SOX6: variants seen among roughly 807,000 people sequenced by gnomAD.
SOX6 encodes the protein SRY-box transcription factor 6.
Under a neutral mutation model 97.8 loss-of-function variants are expected in SOX6, and 11 were observed. The ratio of observed to expected loss-of-function variants is 0.11; its 90% CI spans 0.07 to 0.19. The LOEUF is 0.19. SOX6 is among the 10% of genes least tolerant of loss of function. SOX6 has a pLI of 1.00. For missense variants in SOX6, 810 were observed against 1,039.5 expected (o/e 0.78, Z 3.04); for synonymous variants, 360 against 371.4 (o/e 0.97, Z 0.35).
intron 4 of SOX6, among the ~76,000 whole-genome samples, chr11:16,600,672 T>A (rs1055297901): frequency 4.6e-5 from 7 of 152,204 alleles, no homozygotes; most frequent in African/African-American, 7.2e-5. Context: ...TAATGCAAAT[T>A]TTGAACTATT....
chr11:16,087,647 C>A (rs947531844), intron 9 of SOX6, among the ~76,000 whole-genome samples: 1 of 151,972 alleles, frequency 6.6e-6, no homozygotes, highest in African/African-American at 2.4e-5. Flanking sequence ...GATAAACAGT[C>A]TAATAGGTCT....
intron 4 of SOX6, among the ~76,000 whole-genome samples, chr11:16,581,409 A>G (rs1848031042): frequency 6.6e-6 from 1 of 152,114 alleles, no homozygotes; most frequent in African/African-American, 2.4e-5. Context: ...ATGAGAACAC[A>G]TGGACACAGG....
At chr11:16,012,429 A>G (rs889806568) in intron 13 of SOX6, among the ~76,000 whole-genome samples, 3 of 151,968 alleles carry the variant, frequency 2.0e-5, no homozygotes, top group African/African-American at 7.2e-5. Flanking sequence ...CCAAAAGCAC[A>G]TGAGGTCTCA....
chr11:16,636,844 G>T (rs1051600854), intron 3 of SOX6, among the ~76,000 whole-genome samples: 1 of 152,152 alleles, frequency 6.6e-6, no homozygotes, highest in Non-Finnish European at 1.5e-5. Flanking sequence ...GCCATGTGAA[G>T]AAGGACATGT....
At position 16,300,382 on chromosome 11, in the gene SOX6, T is replaced by C. The variant is rs972935319; in HGVS notation, c.445+18064A>G. On this transcript the variant is annotated intron_variant, in intron 3 of 15. Coordinates refer to ENST00000683767, the MANE Select transcript of SOX6 (RefSeq NM_001367873.1). This position sits in a 1 kb window ranked among gnomAD's most constrained non-coding sequence, Gnocchi z 4.1. The stretch of plus-strand genomic sequence containing the variant: ...AAATGCATACCTAGCATTTTTATTA[T>C]GTATTATAACATTTTGCTCAGAGCT... Among the ~76,000 whole-genome samples the C allele has an allele frequency of 2.0e-5, 3 of 152,334 alleles. No homozygotes were observed. Among genetic ancestry groups the C allele is most frequent in the African/African-American group, 4.8e-5 (2 of 41,584 alleles).
chr11:16,009,214 T>A (rs187708554), intron 13 of SOX6, among the ~76,000 whole-genome samples: 4 of 152,162 alleles, frequency 2.6e-5, no homozygotes, highest in African/African-American at 2.4e-5. Context: ...TTGTATTTAT[T>A]TTGATTATTG....
intron 2 of SOX6, among the ~76,000 whole-genome samples, chr11:16,724,663 A>G (rs1450015701): frequency 1.3e-5 from 2 of 152,200 alleles, no homozygotes; most frequent in African/African-American, 4.8e-5. Flanking sequence ...AATGCCCATT[A>G]ACGTTTGGGA....
intron 4 of SOX6, among the ~76,000 whole-genome samples, chr11:16,533,297 T>C (rs1307266665): frequency 1.3e-5 from 2 of 151,932 alleles, no homozygotes; most frequent in Non-Finnish European, 2.9e-5. Context: ...ATTTAGTCTA[T>C]GAAGCTGGGT....
At chr11:16,439,299 T>C (rs1340099444) in intron 1 of SOX6, among the ~76,000 whole-genome samples, 1 of 152,212 alleles carries the variant, frequency 6.6e-6, no homozygotes, top group Non-Finnish European at 1.5e-5. Flanking sequence ...AATACAATTC[T>C]ATTTCTTTTA....
At chr11:16,098,298 T>C (rs1848853857) in intron 7 of SOX6, among the ~76,000 whole-genome samples, 1 of 151,800 alleles carries the variant, frequency 6.6e-6, no homozygotes, top group Non-Finnish European at 1.5e-5. Flanking sequence ...GGTACTGTAC[T>C]GGTGGATCCT....
At chr11:16,355,292 C>T (rs1043426521) in intron 1 of SOX6, among the ~76,000 whole-genome samples, 1 of 151,976 alleles carries the variant, frequency 6.6e-6, no homozygotes, top group Non-Finnish European at 1.5e-5. Context: ...TGAACTTTGA[C>T]AGGCATGATG....
At chr11:16,486,715 G>A (rs1860439869) in intron 4 of SOX6, among the ~76,000 whole-genome samples, 1 of 151,874 alleles carries the variant, frequency 6.6e-6, no homozygotes, top group South Asian at 2.1e-4. Flanking sequence ...ACAAAGATTG[G>A]CCGAGCATGA....
intron 1 of SOX6, among the ~76,000 whole-genome samples, chr11:16,425,441 G>T (rs1052916234): frequency 1.3e-5 from 2 of 152,076 alleles, no homozygotes; most frequent in Non-Finnish European, 2.9e-5. Flanking sequence ...CTCCTATTCA[G>T]CGTAGTATTG....
At chr11:16,510,290 A>T (rs1860858942) in intron 4 of SOX6, among the ~76,000 whole-genome samples, 1 of 152,092 alleles carries the variant, frequency 6.6e-6, no homozygotes, top group African/African-American at 2.4e-5. Flanking sequence ...TTTTCAAATC[A>T]AGAAAAGTTT....
At chr11:16,071,518 G>A (rs918407238) in intron 9 of SOX6, among the ~76,000 whole-genome samples, 1 of 151,130 alleles carries the variant, frequency 6.6e-6, no homozygotes, top group African/African-American at 2.4e-5. Context: ...GATTTGCAAG[G>A]GGACACAGCC....
At chr11:16,016,921 C>A (rs1001682705) in intron 12 of SOX6, among the ~76,000 whole-genome samples, 8 of 151,978 alleles carry the variant, frequency 5.3e-5, no homozygotes, top group African/African-American at 1.7e-4. Context: ...AATCAACAGA[C>A]CGTGCTATCT....
At chr11:16,184,544 T>C (rs1851421214) in intron 5 of SOX6, among the ~76,000 whole-genome samples, 1 of 152,180 alleles carries the variant, frequency 6.6e-6, no homozygotes, top group Non-Finnish European at 1.5e-5. Context: ...TTAACATTTA[T>C]CCATTTATCC....
rs925241708 is a variant in SOX6, at chr11:16,521,454, G to C, written n.610-45066C>G. Reference sequence around the variant, plus strand: ...TAGAAAGAACACTAACAAACAGAAAGGACATCTACACCAAAAACCCATCTG... The same window carrying C: ...TAGAAAGAACACTAACAAACAGAAACGACATCTACACCAAAAACCCATCTG... On this transcript the variant is annotated intron_variant and non_coding_transcript_variant, in intron 4 of 5. Coordinates refer to the SOX6 transcript ENST00000524520. Among the ~76,000 whole-genome samples the C allele has an allele frequency of 6.0e-5, 9 of 150,932 alleles. No individual in the cohort carries two copies. The East Asian group carries it at 1.6e-3, about 26-fold the overall frequency.
intron 9 of SOX6, among the ~76,000 whole-genome samples, chr11:16,078,484 T>C (rs916150566): frequency 2.6e-5 from 4 of 152,196 alleles, no homozygotes; most frequent in African/African-American, 9.6e-5. Context: ...TATGTCAATT[T>C]ACCAATATTT....
Sources: allele counts gnomAD v4.1 joint callset (sites outside exome capture counted in the v4.1 genomes callset), GRCh38; gene constraint gnomAD v4.1.1; non-coding constraint Gnocchi (gnomAD v3.1); transcripts MANE v1.5; gene names NCBI Gene and HGNC (gene_info 2026-07-23, HGNC 2026-07-21).